TEX11: variants seen among roughly 807,000 people sequenced by gnomAD.
TEX11 encodes the protein testis expressed 11.
A neutral mutation model predicts 84.4 loss-of-function variants in TEX11; 7 were observed. The ratio of observed to expected loss-of-function variants is 0.08; its 90% CI spans 0.05 to 0.16. The LOEUF is 0.16. Ranked by LOEUF, TEX11 falls within the 10% of genes least tolerant of loss-of-function variation. The probability of loss-of-function intolerance (pLI) is 1.00; values close to 1 mark genes in which losing one functional copy is unlikely to be tolerated. For missense variants in TEX11, 551 were observed against 660.5 expected (o/e 0.83, Z 1.82); for synonymous variants, 264 against 222.8 (o/e 1.18, Z -1.64).
chrX:70,748,885 G>T (rs2090789525), intron 9 of TEX11, among the ~76,000 whole-genome samples: 1 of 101,664 alleles, frequency 9.8e-6, no homozygotes, highest in Non-Finnish European at 2.0e-5. Context: ...TTTGGCTTAG[G>T]ATTGACTTGG....
chrX:70,808,762 T>C (rs1166644148), intron 8 of TEX11, among the ~76,000 whole-genome samples: 1 of 110,883 alleles, frequency 9.0e-6, no homozygotes, highest in Non-Finnish European at 1.9e-5. Flanking sequence ...GCAACACATT[T>C]CTCAGTAGTC....
chrX:70,530,137 G>A, intron 28 of TEX11, 138 bp from the exon 29 acceptor site: 1 of 523,560 alleles, frequency 1.9e-6, no homozygotes, highest in East Asian at 3.6e-5. Flanking sequence ...TGTGCTCCTG[G>A]AGAGTGCAGG....
At chrX:70,728,428 G>A (rs2090616665) in intron 11 of TEX11, among the ~76,000 whole-genome samples, 1 of 112,936 alleles carries the variant, frequency 8.9e-6, no homozygotes, top group Non-Finnish European at 1.9e-5. Context: ...AGAAAGGAGT[G>A]ACAGATGGCA....
intron 13 of TEX11, among the ~76,000 whole-genome samples, chrX:70,712,629 C>T (rs1447715233): frequency 5.4e-5 from 6 of 110,907 alleles, no homozygotes; most frequent in African/African-American, 9.8e-5. Context: ...GTGATTTTTG[C>T]ACATTGATTT....
chrX:70,778,932 T>C (rs971563589), intron 9 of TEX11, among the ~76,000 whole-genome samples: 5 of 110,620 alleles, frequency 4.5e-5, no homozygotes, highest in Non-Finnish European at 9.4e-5. Context: ...TTTAAAAGCA[T>C]CTAGAGGTGG....
At chrX:70,777,589 C>T (rs190866273) in intron 9 of TEX11, among the ~76,000 whole-genome samples, 386 of 111,916 alleles carry the variant, frequency 3.4e-3, no homozygotes, top group Middle Eastern at 9.2e-3. Flanking sequence ...GCAGACGTTG[C>T]GGTGAGCCGA....
intron 13 of TEX11, among the ~76,000 whole-genome samples, chrX:70,713,700 T>C (rs1244433643): frequency 2.7e-5 from 3 of 111,337 alleles, no homozygotes; most frequent in Non-Finnish European, 5.7e-5. Flanking sequence ...TTATTAGTCT[T>C]GCTAGCGGTC....
intron 11 of TEX11, among the ~76,000 whole-genome samples, chrX:70,733,233 T>C (rs1481703308): frequency 8.9e-6 from 1 of 111,733 alleles, no homozygotes; most frequent in East Asian, 2.8e-4. Flanking sequence ...ATTCAGGACA[T>C]AGGCATGGGC....
At chrX:70,596,041 A>G (rs1471437821) in intron 24 of TEX11, among the ~76,000 whole-genome samples, 1 of 111,519 alleles carries the variant, frequency 9.0e-6, no homozygotes, top group African/African-American at 3.2e-5. Context: ...CTAGGAACAA[A>G]GAGGAAAATT....
intron 9 of TEX11, among the ~76,000 whole-genome samples, chrX:70,798,025 GA>G (rs374473327): frequency 2.8e-3 from 170 of 59,858 alleles, no homozygotes; most frequent in African/African-American, 3.7e-3. Flanking sequence ...TAGGCAAGAT[GA>G]GGGGGGGGGA....
At chrX:70,568,404 C>G (rs1387721199) in intron 25 of TEX11, among the ~76,000 whole-genome samples, 1 of 110,272 alleles carries the variant, frequency 9.1e-6, no homozygotes, top group Non-Finnish European at 1.9e-5. Flanking sequence ...AGTCCATTTA[C>G]AATTAAAGTT....
At chrX:70,593,334 G>A (rs1255989189) in intron 24 of TEX11, among the ~76,000 whole-genome samples, 1 of 112,015 alleles carries the variant, frequency 8.9e-6, no homozygotes, top group African/African-American at 3.2e-5. Context: ...GGGGAAAATA[G>A]ACTTCACTAT....
chrX:70,598,465 A>T (rs1210337531), intron 24 of TEX11, among the ~76,000 whole-genome samples: 1 of 111,991 alleles, frequency 8.9e-6, no homozygotes, highest in East Asian at 2.8e-4. Context: ...TCCTCAAATG[A>T]TGAAACATAG....
chrX:70,572,359 T>C lies in TEX11; in HGVS notation c.2141-17559A>G, dbSNP rs754288291. 5.8e-3 allele frequency among the ~76,000 whole-genome samples: 649 copies of C among 111,625 alleles called. 4 individuals are homozygous for C. Among genetic ancestry groups the C allele is most frequent in the African/African-American group, 0.02 (620 of 30,746 alleles). ...TAAAATGTCAGGAAACAACAGGTGC[T>C]GGAGAGGACGTGGAGAAATAGGAAC... is the stretch of plus-strand genomic sequence containing the variant. On this transcript the variant is annotated intron_variant, in intron 25 of 29. Coordinates refer to ENST00000374333, the MANE Select transcript of TEX11 (RefSeq NM_031276.3).
At chrX:70,868,877 C>A (rs776951633) in intron 4 of TEX11, among the ~76,000 whole-genome samples, 147 of 108,013 alleles carry the variant, frequency 1.4e-3, no homozygotes, top group African/African-American at 4.9e-3. Context: ...GGCCTGTCAG[C>A]GGGTGGGGGC....
chrX:70,544,836 CAAAA>C (rs140403649), intron 28 of TEX11, among the ~76,000 whole-genome samples: 5 of 26,405 alleles, frequency 1.9e-4, no homozygotes, highest in Admixed American at 6.2e-4. Flanking sequence ...GACTCCATCT[CAAAA>C]AAAAAAAAAA....
At chrX:70,668,934 G>A (rs768506204) in intron 16 of TEX11, among the ~76,000 whole-genome samples, 3 of 111,760 alleles carry the variant, frequency 2.7e-5, no homozygotes, top group Non-Finnish European at 5.6e-5. Flanking sequence ...TCAAAGATTT[G>A]TGTACTGTCT....
intron 9 of TEX11, among the ~76,000 whole-genome samples, chrX:70,796,384 A>T (rs377452846): frequency 8.5e-4 from 95 of 111,969 alleles, no homozygotes; most frequent in African/African-American, 2.9e-3. Flanking sequence ...AGAATCACTG[A>T]CCTTAAAGAG....
intron 26 of TEX11, among the ~76,000 whole-genome samples, 188 bp downstream of exon 26, chrX:70,554,463 A>G (rs1193717133): frequency 1.8e-5 from 2 of 111,852 alleles, no homozygotes; most frequent in African/African-American, 6.5e-5. Flanking sequence ...TCATAGAGTG[A>G]AGAAGATAAA....
Sources: allele counts gnomAD v4.1 joint callset (sites outside exome capture counted in the v4.1 genomes callset), GRCh38; gene constraint gnomAD v4.1.1; transcripts MANE v1.5; gene names NCBI Gene and HGNC (gene_info 2026-07-23, HGNC 2026-07-21).